Variants in RASGRP4 observed in about 807,000 individuals in gnomAD.
The protein encoded by RASGRP4 is RAS guanyl-releasing protein 4.
RASGRP4 carries 52 observed loss-of-function variants against 84.4 expected under a neutral mutation model. The ratio of observed to expected loss-of-function variants is 0.62; its 90% CI spans 0.49 to 0.78. RASGRP4 has a LOEUF of 0.78. Among genes scored for constraint, RASGRP4 ranks in the 30% least tolerant of loss-of-function variants. The pLI, the probability that RASGRP4 is intolerant of heterozygous loss-of-function variation, is 0.00. For missense variants in RASGRP4, 760 were observed against 886.9 expected, an observed-to-expected ratio of 0.86 and a Z score of 1.82; for synonymous variants, 356 against 359.1, an observed-to-expected ratio of 0.99 and a Z score of 0.10.
chr19:38,415,442 G>A (rs1433089920), intron 8 of RASGRP4, among the ~76,000 whole-genome samples: 1 of 145,504 alleles, frequency 6.9e-6, no homozygotes, highest in Non-Finnish European at 1.5e-5. Context: ...GCGTGATCTC[G>A]GCTTACTGCC....
chr19:38,424,621 G>GA (rs1282910115), intron 1 of RASGRP4, among the ~76,000 whole-genome samples: 1 of 145,322 alleles, frequency 6.9e-6, no homozygotes, highest in African/African-American at 2.5e-5. Flanking sequence ...GTCAATGGGG[G>GA]GGGGGGTCTC....
In RASGRP4 at chr19:38,421,196, T is replaced by C; in HGVS notation, c.213A>G (p.Ser71=). The C allele has an allele frequency of 1.2e-6, 2 of 1,611,436 alleles. No individual in the cohort carries two copies. Among genetic ancestry groups the C allele is most frequent in the Non-Finnish European group, 1.7e-6 (2 of 1,177,808 alleles). ...LLEKCIQSFD[S]AGSLCHEDHM... ...GGTCCTCGTGGCACAGGCTGCCAGC[T>C]GAATCTGGGGTGGAAGGAGGGGTAC... is the stretch of plus-strand genomic sequence containing the variant. The change falls in exon 3 of 17, where the codon TCA becomes TCG. Residue 71 remains serine (S), a synonymous_variant. Coordinates refer to ENST00000615439, the MANE Select transcript of RASGRP4 (RefSeq NM_170604.3).
At chr19:38,425,668 T>A (rs12973210) in intron 1 of RASGRP4, among the ~76,000 whole-genome samples, 7,477 of 152,034 alleles carry the variant, frequency 0.049, 304 homozygotes, top group African/African-American at 0.11. Flanking sequence ...CCAGGAGTGG[T>A]TTAAGAGGCA....
Position 38,417,462 on chromosome 19 carries a change from G to A in RASGRP4, c.838-294C>T, listed in dbSNP as rs1380976559. Among the ~76,000 whole-genome samples, 1 of 152,186 alleles carries A rather than the reference G, an allele frequency of 6.6e-6. No individual in the cohort carries two copies. Among genetic ancestry groups the A allele is most frequent in the Non-Finnish European group, 1.5e-5 (1 of 68,034 alleles). ...AGAAGTTGGGCGGATTTGGGGAATA[G>A]ACAGGTGTGTGTCAGGTGGAGGAGG... On this transcript the variant is annotated intron_variant, in intron 7 of 16. Transcript: ENST00000615439. The surrounding 1 kb of genome is among the most constrained non-coding windows in gnomAD (Gnocchi z 5.1).
At chr19:38,423,554 AG>A (rs1308382732) in intron 1 of RASGRP4, among the ~76,000 whole-genome samples, 1 of 145,280 alleles carries the variant, frequency 6.9e-6, no homozygotes. Context: ...TTAAAAAGAG[AG>A]GCCAGTCACA....
intron 8 of RASGRP4, among the ~76,000 whole-genome samples, chr19:38,416,122 T>C (rs868600170): frequency 4.0e-5 from 6 of 151,042 alleles, no homozygotes; most frequent in Non-Finnish European, 5.9e-5. Context: ...GCCTCCCAAG[T>C]AGCTGGGACT....
rs770824828 is a variant in RASGRP4 at position 38,417,275 on chromosome 19, A to G, written c.838-107T>C. 84 of 724,342 alleles carry G rather than the reference A, an allele frequency of 1.2e-4. No individual in the cohort carries two copies. The highest frequency in any genetic ancestry group is 5.0e-4 in the Admixed American group (24 of 48,396). The allele number at this position is 724,342 out of a possible 1,614,324, so 44.9% of individuals were successfully genotyped here. On this transcript the variant is annotated intron_variant, in intron 7 of 16. Transcript: ENST00000615439. The surrounding 1 kb of genome is among the most constrained non-coding windows in gnomAD (Gnocchi z 5.1). ...TGGGGTCCCAGGCATGTGTGGACCA[A>G]TGTGGGGATCAGACAGGTGAGAGAA...
In RASGRP4 at chr19:38,413,029, G is replaced by T; in HGVS notation, c.1437C>A (p.Asp479Glu). Residue 479 changes from aspartate (D) to glutamate (E), a missense_variant, in exon 12 of 17, where the codon GAC (aspartate) becomes GAA (glutamate). Physicochemically the swap from Asp to Glu is conservative, Grantham distance 45. Transcript: ENST00000615439. This position sits in a 1 kb window ranked among gnomAD's most constrained non-coding sequence, Gnocchi z 4.7. Reference sequence around the variant, plus strand: ...GAGAGATTGTTCCTCGGCCTTCAGGGTCATAATTCTTGAACACAGACTTCA... The same window carrying T: ...GAGAGATTGTTCCTCGGCCTTCAGGTTCATAATTCTTGAACACAGACTTCA... ...QLVESVFKNY[D>E]PEGRGTISQE... The T allele has an allele frequency of 6.2e-7, 1 of 1,613,918 alleles. No homozygotes were observed. Among genetic ancestry groups the T allele is most frequent in the Non-Finnish European group, 8.5e-7 (1 of 1,179,790 alleles).
chr19:38,424,780 TCTAA>T (rs1971918541), intron 1 of RASGRP4, among the ~76,000 whole-genome samples: 1 of 152,122 alleles, frequency 6.6e-6, no homozygotes. Flanking sequence ...GAAGGAGCAT[TCTAA>T]CTAAGTCAGC....
Position 38,413,146 on chromosome 19 carries a change from G to A in RASGRP4, c.1416+47C>T, listed in dbSNP as rs369606587. ...CCTCCAGGCTCAGGGTTCTACAGATGTCTTCCCTCCTGGCTGCTGGCGGCC... is the reference window on the plus strand; with the variant it reads ...CCTCCAGGCTCAGGGTTCTACAGATATCTTCCCTCCTGGCTGCTGGCGGCC... On this transcript the variant is annotated intron_variant, in intron 11 of 16. Coordinates refer to ENST00000615439, the MANE Select transcript of RASGRP4 (RefSeq NM_170604.3). This position sits in a 1 kb window ranked among gnomAD's most constrained non-coding sequence, Gnocchi z 4.7. 13 of 1,587,012 alleles carry A rather than the reference G, an allele frequency of 8.2e-6. No individual in the cohort carries two copies. The highest frequency in any genetic ancestry group is 4.5e-5 in the East Asian group (2 of 44,708).
At chr19:38,420,077 G>A in intron 5 of RASGRP4, 54 bp downstream of exon 5, 2 of 1,608,494 alleles carry the variant, frequency 1.2e-6, no homozygotes, top group East Asian at 4.5e-5. Context: ...GATATAGAGG[G>A]AGATGGCAGA....
chr19:38,415,101 A>T lies in RASGRP4; in HGVS notation c.977T>A (p.Leu326His), dbSNP rs1971444094. The change falls in exon 9 of 17, where the codon CTC becomes CAC. Residue 326 changes from leucine to histidine, a missense_variant. Physicochemically the swap from Leu to His is moderately conservative, Grantham distance 99. Coordinates refer to ENST00000615439, the MANE Select transcript of RASGRP4 (RefSeq NM_170604.3). ...STKALLELTE[L>H]LASHNNYARY... ...GGCGTAGTTGTTGTGGGAGGCAAGG[A>T]GCTCAGTGAGCTCCAGGAGGGCCTG... 6.3e-7 allele frequency: 1 copy of T among 1,597,300 alleles called. No individual in the cohort carries two copies. Among genetic ancestry groups the T allele is most frequent in the Non-Finnish European group, 8.5e-7 (1 of 1,171,602 alleles).
rs1402117816 is a variant in RASGRP4 at position 38,417,783 on chromosome 19, C to T, written c.837+608G>A. 6.6e-6 allele frequency among the ~76,000 whole-genome samples: 1 copy of T among 152,104 alleles called. No individual in the cohort carries two copies. Among genetic ancestry groups the T allele is most frequent in the Non-Finnish European group, 1.5e-5 (1 of 68,010 alleles). ...GACTAAGGACACCCCAGGCGGACGT[C>T]GAGACCCCCAGGTCTCAGGGGCCCT... is the stretch of plus-strand genomic sequence containing the variant. On this transcript the variant is annotated intron_variant, in intron 7 of 16. Transcript: ENST00000615439. The surrounding 1 kb of genome is among the most constrained non-coding windows in gnomAD (Gnocchi z 5.1).
Position 38,418,306 on chromosome 19 carries a change from G to T in RASGRP4, c.837+85C>A. 7.1e-7 allele frequency: 1 copy of T among 1,399,944 alleles called. No individual in the cohort carries two copies. Among genetic ancestry groups the T allele is most frequent in the Non-Finnish European group, 9.8e-7 (1 of 1,018,956 alleles). 86.7% of individuals were successfully genotyped at this position (1,399,944 alleles called of 1,614,324 possible). On this transcript the variant is annotated intron_variant, in intron 7 of 16. Transcript: ENST00000615439. The surrounding 1 kb of genome is among the most constrained non-coding windows in gnomAD (Gnocchi z 4.6). ...AGATGCGTGACGTCACCGCCGGGAT[G>T]ACCCTGTGGGGTCGAGGGTCTGGAA... is the stretch of plus-strand genomic sequence containing the variant.
rs370177675 is a variant in RASGRP4 at position 38,410,066 on chromosome 19, T to G, written c.1996A>C (p.Thr666Pro). The G allele has an allele frequency of 1.4e-4, 221 of 1,612,050 alleles. No individual in the cohort carries two copies. Among genetic ancestry groups the G allele is most frequent in the Non-Finnish European group, 1.8e-4 (212 of 1,179,086 alleles). Reference protein sequence around the residue: ...VPCPVMDPPSTASSKLDS With the variant: ...VPCPVMDPPSPASSKLDS Reference sequence around the variant, plus strand: ...TAGGAATCCAGCTTGGAGGATGCAGTTGATGGTGGGTCCATCACCGGGCAG... The same window carrying G: ...TAGGAATCCAGCTTGGAGGATGCAGGTGATGGTGGGTCCATCACCGGGCAG... The change falls in exon 17 of 17, where the codon ACT becomes CCT. Residue 666 changes from threonine (T) to proline (P), a missense_variant. By Grantham distance (38) the Thr-to-Pro change is conservative (BLOSUM62 -1). Transcript: ENST00000615439.
At position 38,413,865 on chromosome 19, in the gene RASGRP4, G is replaced by C. The variant is rs1210678275; in HGVS notation, c.1231-391C>G. On this transcript the variant is annotated intron_variant, in intron 9 of 16. Transcript: ENST00000615439. This position sits in a 1 kb window ranked among gnomAD's most constrained non-coding sequence, Gnocchi z 4.7. ...CCAGAGCTCAGATCAATGGATACTT[G>C]AGTCATTGGAGGAAGTGGGGAAAAA... 6.6e-6 allele frequency among the ~76,000 whole-genome samples: 1 copy of C among 152,196 alleles called. No individual in the cohort carries two copies. The highest frequency in any genetic ancestry group is 6.5e-5 in the Admixed American group (1 of 15,274).
At position 38,424,247 on chromosome 19, in the gene RASGRP4, G is replaced by A. The variant is rs1320112530; in HGVS notation, c.23+1822C>T. On this transcript the variant is annotated intron_variant, in intron 1 of 16. Transcript: ENST00000615439. ...CAATTCTCCTGCCTCAGCCTCCCAA[G>A]TAGTTGGGACTACAGGCACGTGCCA... Among the ~76,000 whole-genome samples the A allele has an allele frequency of 2.6e-5, 4 of 152,006 alleles. No individual in the cohort carries two copies. In the East Asian group the frequency reaches 7.7e-4, roughly 29 times the overall value.
In RASGRP4 at chr19:38,417,734, C is replaced by T. The variant is rs1259120097; in HGVS notation, c.838-566G>A. Among the ~76,000 whole-genome samples the T allele has an allele frequency of 6.6e-6, 1 of 152,008 alleles. No homozygotes were observed. Among genetic ancestry groups the T allele is most frequent in the Non-Finnish European group, 1.5e-5 (1 of 68,008 alleles). On this transcript the variant is annotated intron_variant, in intron 7 of 16. Coordinates refer to ENST00000615439, the MANE Select transcript of RASGRP4 (RefSeq NM_170604.3). This position sits in a 1 kb window ranked among gnomAD's most constrained non-coding sequence, Gnocchi z 5.1. ...AGAGGTTGCTGTGGAGAGAGTGGGG[C>T]CAGGGAGGAATGGAAAATGCTCAGA...
chr19:38,413,378 A>T lies in RASGRP4; in HGVS notation c.1311+16T>A. 1 of 1,608,576 alleles carries T rather than the reference A, an allele frequency of 6.2e-7. No individual in the cohort carries two copies. The highest frequency in any genetic ancestry group is 8.5e-7 in the Non-Finnish European group (1 of 1,177,110). On this transcript the variant is annotated intron_variant, in intron 10 of 16. Transcript: ENST00000615439. This position sits in a 1 kb window ranked among gnomAD's most constrained non-coding sequence, Gnocchi z 4.7. Reference sequence around the variant, plus strand: ...GAGGTAATTGGGGGAGTCCGAGGCCAGGGGTTGGGTCTCACCAGGCTCTTG... The same window carrying T: ...GAGGTAATTGGGGGAGTCCGAGGCCTGGGGTTGGGTCTCACCAGGCTCTTG...
Sources: allele counts gnomAD v4.1 joint callset (sites outside exome capture counted in the v4.1 genomes callset), GRCh38; gene constraint gnomAD v4.1.1; non-coding constraint Gnocchi (gnomAD v3.1); transcripts MANE v1.5; gene names NCBI Gene and HGNC (gene_info 2026-07-23, HGNC 2026-07-21).